The following MAN2A1 variants were observed in gnomAD, a reference collection of about 807,000 sequenced individuals.
The protein encoded by MAN2A1 is alpha-mannosidase 2.
In MAN2A1, 76 loss-of-function variants were observed where a neutral mutation model predicts 142.6. The observed-to-expected ratio is 0.53, with a 90% CI of 0.44 to 0.65. The LOEUF (loss-of-function observed/expected upper bound fraction) is 0.65, where lower values mean the gene tolerates loss of function less well. MAN2A1 is among the 30% of genes least tolerant of loss of function. The pLI, the probability that MAN2A1 is intolerant of heterozygous loss-of-function variation, is 0.00. For synonymous variants in MAN2A1, 559 were observed against 473.2 expected (o/e 1.18, Z -2.35); for missense variants, 1,311 against 1,365.1 (o/e 0.96, Z 0.62).
intron 16 of MAN2A1, among the ~76,000 whole-genome samples, chr5:109,832,655 G>A (rs888456922): frequency 5.9e-5 from 9 of 152,228 alleles, no homozygotes; most frequent in East Asian, 1.9e-4. Context: ...AACCGCCATC[G>A]TCATCATGGC....
chr5:109,819,625 G>C (rs1561528128), intron 13 of MAN2A1, 44 bp from the exon 14 acceptor site: 1 of 1,202,378 alleles, frequency 8.3e-7, no homozygotes, highest in Middle Eastern at 2.6e-4. Flanking sequence ...CCTCTCAGTA[G>C]ATAACATTTA....
At chr5:109,768,495 T>C (rs1753054210) in intron 6 of MAN2A1, among the ~76,000 whole-genome samples, 1 of 152,202 alleles carries the variant, frequency 6.6e-6, no homozygotes, top group Non-Finnish European at 1.5e-5. Flanking sequence ...GATTTGAATG[T>C]AGTTCTGTGT....
At chr5:109,762,176 T>G (rs1209461477) in intron 5 of MAN2A1, among the ~76,000 whole-genome samples, 2 of 152,174 alleles carry the variant, frequency 1.3e-5, no homozygotes, top group Non-Finnish European at 2.9e-5. Context: ...TTATTAGAGA[T>G]AGTAAAGTGT....
intron 16 of MAN2A1, among the ~76,000 whole-genome samples, chr5:109,824,282 G>A (rs112036678): frequency 5.1e-4 from 78 of 152,306 alleles, no homozygotes; most frequent in African/African-American, 1.7e-3. Context: ...TTTGTTTACA[G>A]CTCTTTACCC....
intron 1 of MAN2A1, among the ~76,000 whole-genome samples, chr5:109,703,933 T>G (rs549864008): frequency 2.6e-5 from 4 of 152,250 alleles, no homozygotes; most frequent in South Asian, 2.1e-4. Context: ...GGCCATATGG[T>G]TCTAATCTAA....
intron 20 of MAN2A1, among the ~76,000 whole-genome samples, chr5:109,856,743 TATA>T (rs1755613500): frequency 6.6e-6 from 1 of 152,128 alleles, no homozygotes; most frequent in Non-Finnish European, 1.5e-5. Flanking sequence ...ATATATGACT[TATA>T]ATAATGACTA....
intron 4 of MAN2A1, among the ~76,000 whole-genome samples, chr5:109,742,255 T>G (rs1439928325): frequency 1.3e-5 from 2 of 152,218 alleles, no homozygotes; most frequent in East Asian, 3.8e-4. Context: ...TAAGAACAGT[T>G]TATATATTCA....
In MAN2A1 at chr5:109,739,690, C is replaced by T. The variant is rs73781636; in HGVS notation, c.707+10177C>T. On this transcript the variant is annotated intron_variant, in intron 4 of 21. Coordinates refer to ENST00000261483, the MANE Select transcript of MAN2A1 (RefSeq NM_002372.4). ...TGTCCCAAAACATGGTGTAACTTGC[C>T]TTGAATCCCTTTCTTTTCTAACCAT... Among the ~76,000 whole-genome samples, 357 of 152,280 alleles carry T rather than the reference C, an allele frequency of 2.3e-3. 5 individuals are homozygous for T. The highest frequency in any genetic ancestry group is 8.1e-3 in the African/African-American group (336 of 41,564).
intron 4 of MAN2A1, among the ~76,000 whole-genome samples, chr5:109,734,278 G>A (rs578228337): frequency 1.4e-4 from 21 of 148,272 alleles, no homozygotes; most frequent in South Asian, 8.8e-4. Flanking sequence ...TCTTGCTAGC[G>A]GTCTATCAAT....
At chr5:109,840,725 G>A (rs1755181435) in intron 16 of MAN2A1, 7 of 371,764 alleles carry the variant, frequency 1.9e-5, no homozygotes, top group South Asian at 1.3e-4. Context: ...ATGGCCCAAG[G>A]GGGATGGAAG....
intron 9 of MAN2A1, among the ~76,000 whole-genome samples, chr5:109,782,880 T>C (rs1315934493): frequency 6.6e-6 from 1 of 152,112 alleles, no homozygotes; most frequent in Non-Finnish European, 1.5e-5. Context: ...TGTATATTCA[T>C]CATTTATGTG....
chr5:109,729,959 T>C (rs1751857806), intron 4 of MAN2A1, among the ~76,000 whole-genome samples: 1 of 152,132 alleles, frequency 6.6e-6, no homozygotes, highest in Admixed American at 6.6e-5. Flanking sequence ...GCCACTGCAC[T>C]CCAGCCTGGG....
intron 4 of MAN2A1, among the ~76,000 whole-genome samples, chr5:109,744,367 G>T: frequency 6.6e-6 from 1 of 152,112 alleles, no homozygotes; most frequent in South Asian, 2.1e-4. Flanking sequence ...CAAGAAGTGG[G>T]TGTCAGAGGG....
intron 4 of MAN2A1, 22 bp downstream of exon 4, chr5:109,729,535 G>A: frequency 1.5e-6 from 2 of 1,359,496 alleles, no homozygotes; most frequent in Admixed American, 2.6e-5. Flanking sequence ...AACTTTTTTG[G>A]AATTTGGTAA....
chr5:109,736,747 T>A (rs1034068881), intron 4 of MAN2A1, among the ~76,000 whole-genome samples: 3 of 152,162 alleles, frequency 2.0e-5, no homozygotes, highest in African/African-American at 7.2e-5. Flanking sequence ...CTTACCCTCC[T>A]AGAACCTGTT....
chr5:109,692,532 A>G (rs1465553288), intron 1 of MAN2A1, among the ~76,000 whole-genome samples: 1 of 152,136 alleles, frequency 6.6e-6, no homozygotes, highest in Non-Finnish European at 1.5e-5. Flanking sequence ...TTAAGTGGCG[A>G]GGGGACTGAG....
intron 18 of MAN2A1, 99 bp downstream of exon 18, chr5:109,846,105 T>A: frequency 9.5e-7 from 1 of 1,053,784 alleles, no homozygotes. Context: ...AGTTAAAACC[T>A]CCCTGTCTTC....
At position 109,770,545 on chromosome 5, in the gene MAN2A1, T is replaced by C. The variant is rs78588887; in HGVS notation, c.1196+4T>C. The C allele has an allele frequency of 0.02, 31,933 of 1,611,726 alleles. 411 individuals carry two copies. The highest frequency in any genetic ancestry group is 0.024 in the Non-Finnish European group (27,712 of 1,178,600). ...ATCCTGGAAATGTCCAAAGCAGGTA[T>C]GAAAATGCGTATTTCATAAGACAAC... On this transcript the variant is annotated splice_donor_region_variant and intron_variant, in intron 7 of 21. Transcript: ENST00000261483.
intron 16 of MAN2A1, among the ~76,000 whole-genome samples, chr5:109,842,120 A>T (rs530104320): frequency 6.6e-6 from 1 of 152,188 alleles, no homozygotes; most frequent in African/African-American, 2.4e-5. Context: ...GATGAATAAT[A>T]TGCTCCCCTG....
Sources: gnomAD v4.1 joint callset for allele counts (sites outside exome capture counted in the v4.1 genomes callset) on GRCh38, gnomAD v4.1.1 for gene constraint, MANE v1.5 for transcripts, NCBI Gene and HGNC (gene_info 2026-07-23, HGNC 2026-07-21) for gene names.